Variants in ZNF19 observed in about 807,000 individuals in gnomAD.
ZNF19 encodes the protein zinc finger protein 19.
A neutral mutation model predicts 13.1 loss-of-function variants in ZNF19; 11 were observed. That is an observed-to-expected ratio of 0.84 (90% CI 0.53 to 1.39). ZNF19 has a LOEUF of 1.39. Among genes scored for constraint, ZNF19 ranks in the 40% most tolerant of loss-of-function variants. The pLI is 0.00. For synonymous variants in ZNF19, 186 were observed against 187.0 expected, an observed-to-expected ratio of 0.99 and a Z score of 0.04; for missense variants, 560 against 547.0, an observed-to-expected ratio of 1.02 and a Z score of -0.24.
chr16:71,478,269 T>C lies in ZNF19; in HGVS notation c.233A>G (p.Gln78Arg). The change falls in exon 5 of 6, where the codon CAG (glutamine) becomes CGG (arginine). Residue 78 changes from glutamine to arginine, a missense_variant. By Grantham distance (43) the Gln-to-Arg change is conservative (BLOSUM62 1). Coordinates refer to ENST00000288177, the MANE Select transcript of ZNF19 (RefSeq NM_006961.4). The stretch of plus-strand genomic sequence containing the variant: ...GGTCCTCTCTGCTGGGGGATCATCC[T>C]GTGCTTCCAGGCCCCAAGCCATGTC... ...RGDMAWGLEA[Q>R]DDPPAERTKN... 2 of 1,614,122 alleles carry C rather than the reference T, an allele frequency of 1.2e-6. No homozygotes were observed. Among genetic ancestry groups the C allele is most frequent in the Non-Finnish European group, 8.5e-7 (1 of 1,180,002 alleles).
intron 3 of ZNF19, among the ~76,000 whole-genome samples, chr16:71,480,128 C>A (rs2043628170): frequency 6.6e-6 from 1 of 152,132 alleles, no homozygotes; most frequent in Non-Finnish European, 1.5e-5. Context: ...TTCTCCCTCC[C>A]TGCTGGCCTC....
rs765749294 is a variant in ZNF19, at chr16:71,476,144, C to A, written c.403G>T (p.Val135Leu). 3.1e-6 allele frequency: 5 copies of A among 1,614,186 alleles called. No individual in the cohort carries two copies. Among genetic ancestry groups the A allele is most frequent in the Non-Finnish European group, 4.2e-6 (5 of 1,180,030 alleles). Residue 135 changes from valine (V) to leucine (L), a missense_variant, in exon 6 of 6, where the codon GTG (valine) becomes TTG (leucine). Val to Leu is a conservative substitution (Grantham distance 32). Transcript: ENST00000288177. ...QRTDFPETRN[V>L]EKHQDIPTVK... Reference sequence around the variant, plus strand: ...GTGGGGATGTCCTGGTGCTTTTCCACATTACGTGTTTCTGGGAAGTCAGTT... The same window carrying A: ...GTGGGGATGTCCTGGTGCTTTTCCAAATTACGTGTTTCTGGGAAGTCAGTT...
Position 71,475,804 on chromosome 16 carries a change from G to A in ZNF19, c.743C>T (p.Thr248Ile). 2 of 1,611,560 alleles carry A rather than the reference G, an allele frequency of 1.2e-6. No individual in the cohort carries two copies. Among genetic ancestry groups the A allele is most frequent in the Non-Finnish European group, 1.7e-6 (2 of 1,178,916 alleles). Reference protein sequence around the residue: ...IHSGDRPYYCTECGNSFTSSS... With the variant: ...IHSGDRPYYCIECGNSFTSSS... ...ACTCGTGAAACTATTCCCACACTCT[G>A]TACAGTAATAGGGTCTGTCCCCACT... Residue 248 changes from threonine to isoleucine, a missense_variant, in exon 6 of 6, where the codon ACA becomes ATA. Transcript: ENST00000288177.
rs1306137420 is a variant in ZNF19, at chr16:71,475,899, G to A, written c.648C>T (p.Pro216=). 2.5e-6 allele frequency: 4 copies of A among 1,613,394 alleles called. No homozygotes were observed. The highest frequency in any genetic ancestry group is 3.4e-6 in the Non-Finnish European group (4 of 1,179,694). The change falls in exon 6 of 6, where the codon CCC becomes CCT. Residue 216 remains proline, a synonymous_variant. Coordinates refer to ENST00000288177, the MANE Select transcript of ZNF19 (RefSeq NM_006961.4). ...RHQRIHTGER[P]YQCEECGRAF... ...CTCGCCCACACTCCTCACACTGATA[G>A]GGTCTCTCTCCAGTGTGAATCCTCT...
At chr16:71,484,027 G>A (rs902479648) in intron 2 of ZNF19, among the ~76,000 whole-genome samples, 10 of 152,244 alleles carry the variant, frequency 6.6e-5, no homozygotes, top group African/African-American at 1.9e-4. Flanking sequence ...CAAGAACACT[G>A]TAGTAGCAGT....
At chr16:71,483,944 T>C (rs1025478789) in intron 2 of ZNF19, among the ~76,000 whole-genome samples, 1 of 152,174 alleles carries the variant, frequency 6.6e-6, no homozygotes, top group Admixed American at 6.5e-5. Context: ...AGAAAATAAA[T>C]TAACTAAGGT....
chr16:71,475,627 C>T lies in ZNF19; in HGVS notation c.920G>A (p.Gly307Asp), dbSNP rs1196139310. ...GEKPYECNECGKSFGRTSHLS... is the reference protein window; with the variant it reads ...GEKPYECNECDKSFGRTSHLS... ...ATGGGAAGTCCTTCCAAAGCTTTTG[C>T]CACACTCATTACACTCATAGGGTTT... The change falls in exon 6 of 6, where the codon GGC becomes GAC. Residue 307 changes from glycine (G) to aspartate (D), a missense_variant. Gly to Asp is a moderately conservative substitution (Grantham distance 94). Coordinates refer to ENST00000288177, the MANE Select transcript of ZNF19 (RefSeq NM_006961.4). 1 of 1,613,736 alleles carries T rather than the reference C, an allele frequency of 6.2e-7. No individual in the cohort carries two copies. The highest frequency in any genetic ancestry group is 1.1e-5 in the South Asian group (1 of 91,032).
chr16:71,476,241 T>C lies in ZNF19; in HGVS notation c.306A>G (p.Thr102=), dbSNP rs1253403011. The change falls in exon 6 of 6, where the codon ACA becomes ACG. Residue 102 remains threonine, a synonymous_variant. Transcript: ENST00000288177. ...TTTCTTCAGAAATTCCCTGGATTAA[T>C]GTGGACTCACTGTCAATGTTGGTCT... The part of the protein sequence containing the change: ...DVETNIDSES[T]LIQGISEERD... 2 of 1,613,564 alleles carry C rather than the reference T, an allele frequency of 1.2e-6. No individual in the cohort carries two copies. Among genetic ancestry groups the C allele is most frequent in the Admixed American group, 1.7e-5 (1 of 60,014 alleles).
At chr16:71,488,368 A>G (rs13330287) in intron 1 of ZNF19, among the ~76,000 whole-genome samples, 7,582 of 149,562 alleles carry the variant, frequency 0.051, 701 homozygotes, top group African/African-American at 0.18. Flanking sequence ...AAAAAAAAAA[A>G]AAAAAGAAAA....
chr16:71,478,359 A>T lies in ZNF19; in HGVS notation c.161-18T>A. 6.3e-7 allele frequency: 1 copy of T among 1,583,730 alleles called. No individual in the cohort carries two copies. Among genetic ancestry groups the T allele is most frequent in the Non-Finnish European group, 8.7e-7 (1 of 1,153,528 alleles). ...TGGGTACCCTGAAAACAGGAAGAAA[A>T]TGGTACTTTTCAGCCCTGTATCTGC... is the stretch of plus-strand genomic sequence containing the variant. On this transcript the variant is annotated intron_variant, in intron 4 of 5. Transcript: ENST00000288177.
chr16:71,481,272 T>C (rs770472694), intron 3 of ZNF19, among the ~76,000 whole-genome samples: 4 of 152,106 alleles, frequency 2.6e-5, no homozygotes, highest in Non-Finnish European at 4.4e-5. Flanking sequence ...AACTGAAGGA[T>C]GTGAGAAATA....
At chr16:71,478,409 G>A in intron 4 of ZNF19, 68 bp from the exon 5 acceptor site, 1 of 1,151,258 alleles carries the variant, frequency 8.7e-7, no homozygotes, top group South Asian at 1.3e-5. Context: ...GAAAACCCCA[G>A]GAGTCTCAGT....
Position 71,478,275 on chromosome 16 carries a change from T to C in ZNF19, c.227A>G (p.Glu76Gly). Residue 76 changes from glutamate to glycine, a missense_variant, in exon 5 of 6, where the codon GAA becomes GGA. By Grantham distance (98) the Glu-to-Gly change is moderately conservative (BLOSUM62 -2). Transcript: ENST00000288177. Reference sequence around the variant, plus strand: ...CTCTGCTGGGGGATCATCCTGTGCTTCCAGGCCCCAAGCCATGTCCCCTCT... The same window carrying C: ...CTCTGCTGGGGGATCATCCTGTGCTCCCAGGCCCCAAGCCATGTCCCCTCT... ...LERGDMAWGLEAQDDPPAERT... is the reference protein window; with the variant it reads ...LERGDMAWGLGAQDDPPAERT... 6.2e-7 allele frequency: 1 copy of C among 1,614,098 alleles called. No individual in the cohort carries two copies. Among genetic ancestry groups the C allele is most frequent in the Non-Finnish European group, 8.5e-7 (1 of 1,180,020 alleles).
chr16:71,480,735 G>A (rs4788805), intron 3 of ZNF19, among the ~76,000 whole-genome samples: 145,466 of 152,296 alleles, frequency 0.96, 69,638 homozygotes, highest in African/African-American at 0.99. Flanking sequence ...ACTAACTAGA[G>A]CAGTGGTATT....
Position 71,478,258 on chromosome 16 carries a change from G to T in ZNF19, c.244C>A (p.Pro82Thr), listed in dbSNP as rs140351445. The T allele has an allele frequency of 1.1e-5, 18 of 1,614,004 alleles. No individual in the cohort carries two copies. Among genetic ancestry groups the T allele is most frequent in the Non-Finnish European group, 1.4e-5 (17 of 1,179,996 alleles). ...AWGLEAQDDP[P>T]AERTKNVCKD... is the part of the protein sequence containing the mutation. ...CAGACGTTTTTGGTCCTCTCTGCTG[G>T]GGGATCATCCTGTGCTTCCAGGCCC... The change falls in exon 5 of 6, where the codon CCA becomes ACA. Residue 82 changes from proline (P) to threonine (T), a missense_variant. By Grantham distance (38) the Pro-to-Thr change is conservative. Transcript: ENST00000288177.
chr16:71,476,385 C>A, intron 5 of ZNF19, 113 bp from the exon 6 acceptor site: 1 of 1,258,984 alleles, frequency 7.9e-7, no homozygotes, highest in South Asian at 1.6e-5. Context: ...TTCACATCAG[C>A]ATGCTGGGAA....
At chr16:71,480,291 A>G (rs2145169359) in intron 3 of ZNF19, among the ~76,000 whole-genome samples, 1 of 152,126 alleles carries the variant, frequency 6.6e-6, no homozygotes, top group East Asian at 1.9e-4. Flanking sequence ...CATCCCCCTC[A>G]TCCCAGCACT....
intron 5 of ZNF19, among the ~76,000 whole-genome samples, chr16:71,477,702 G>A (rs922973181): frequency 5.3e-5 from 8 of 151,754 alleles, no homozygotes; most frequent in Non-Finnish European, 1.2e-4. Flanking sequence ...GGCACCTCAC[G>A]CCCTGTGCTC....
rs2043591868 is a variant in ZNF19, at chr16:71,475,187, T to TA, written c.1359dup (p.Thr454TyrfsTer15). On this transcript the variant is annotated frameshift_variant, in exon 6 of 6. Coordinates refer to ENST00000288177, the MANE Select transcript of ZNF19 (RefSeq NM_006961.4). LOFTEE classifies it high-confidence loss of function. ...GTGTACTATTACCAGTAAAAGGGGG[T>TA]AAAAAATTCTGGGAGGCCAAAACGA... 1 of 1,600,398 alleles carries TA rather than the reference T, an allele frequency of 6.2e-7. No homozygotes were observed. The highest frequency in any genetic ancestry group is 2.2e-5 in the East Asian group (1 of 44,628).
Sources: allele counts gnomAD v4.1 joint callset (sites outside exome capture counted in the v4.1 genomes callset), GRCh38; gene constraint gnomAD v4.1.1; transcripts MANE v1.5; gene names NCBI Gene and HGNC (gene_info 2026-07-23, HGNC 2026-07-21).